Variants in LRPPRC observed in about 807,000 individuals in gnomAD.
The protein encoded by LRPPRC is leucine rich pentatricopeptide repeat containing.
In LRPPRC, 120 loss-of-function variants were observed where a neutral mutation model predicts 180.3. The ratio of observed to expected loss-of-function variants is 0.67; its 90% CI spans 0.57 to 0.77. The LOEUF (loss-of-function observed/expected upper bound fraction) is 0.77, where lower values mean the gene tolerates loss of function less well. LRPPRC is among the 30% of genes least tolerant of loss of function. The pLI, the probability that LRPPRC is intolerant of heterozygous loss-of-function variation, is 0.00. For missense variants in LRPPRC, 2,012 were observed against 1,657.2 expected, an observed-to-expected ratio of 1.21 and a Z score of -3.72; for synonymous variants, 723 against 600.0, an observed-to-expected ratio of 1.21 and a Z score of -3.00.
At chr2:43,945,532 G>A in intron 21 of LRPPRC, 115 bp from the exon 22 acceptor site, 1 of 713,558 alleles carries the variant, frequency 1.4e-6, no homozygotes, top group Admixed American at 2.0e-5. Context: ...ACTAATGTTG[G>A]CCTCTACGCT....
chr2:43,981,833 G>C (rs958058442), intron 2 of LRPPRC, among the ~76,000 whole-genome samples: 2 of 152,016 alleles, frequency 1.3e-5, no homozygotes, highest in African/African-American at 4.8e-5. Context: ...TATTTAGGTT[G>C]ATGCAAAAGT....
chr2:43,971,814 AAAG>A (rs919443691), intron 11 of LRPPRC, among the ~76,000 whole-genome samples: 13 of 152,290 alleles, frequency 8.5e-5, no homozygotes, highest in East Asian at 1.9e-4. Context: ...CTGTTATATA[AAAG>A]AAGACTGTAG....
intron 14 of LRPPRC, among the ~76,000 whole-genome samples, chr2:43,951,224 G>A (rs1284004588): frequency 1.3e-5 from 2 of 152,198 alleles, no homozygotes; most frequent in Admixed American, 1.3e-4. Flanking sequence ...TCCAGCAGGG[G>A]ATAACTTGAA....
chr2:43,929,865 A>C (rs1672021995), intron 25 of LRPPRC, among the ~76,000 whole-genome samples: 1 of 152,188 alleles, frequency 6.6e-6, no homozygotes, highest in African/African-American at 2.4e-5. Flanking sequence ...ACCAGGTGTT[A>C]TAGGAGATAC....
chr2:43,954,354 C>G (rs145849120), intron 14 of LRPPRC, among the ~76,000 whole-genome samples: 7 of 152,264 alleles, frequency 4.6e-5, no homozygotes, highest in Non-Finnish European at 8.8e-5. Context: ...TGCTCTAACC[C>G]TGCTTAATAG....
rs1339084801 is a variant in LRPPRC, at chr2:43,995,903, C to G, written c.45G>C (p.Gly15=). The change falls in exon 1 of 38, where the codon GGG becomes GGC. Residue 15 remains glycine, a synonymous_variant. Coordinates refer to ENST00000260665, the MANE Select transcript of LRPPRC (RefSeq NM_133259.4). ...LRSARWLLRA[G]AAPRLPLSLR... ...GGGAGAGCGGGAGGCGCGGGGCCGCCCCGGCACGCAGCAACCAACGCGCGG... is the reference window on the plus strand; with the variant it reads ...GGGAGAGCGGGAGGCGCGGGGCCGCGCCGGCACGCAGCAACCAACGCGCGG... 5 of 1,514,766 alleles carry G rather than the reference C, an allele frequency of 3.3e-6. No homozygotes were observed. In the African/African-American group the frequency reaches 5.7e-5, roughly 17 times the overall value. The allele number at this position is 1,514,766 out of a possible 1,614,324, so 93.8% of individuals were successfully genotyped here.
At chr2:43,905,441 C>T (rs1467421633) in intron 31 of LRPPRC, among the ~76,000 whole-genome samples, 1 of 152,196 alleles carries the variant, frequency 6.6e-6, no homozygotes, top group Non-Finnish European at 1.5e-5. Context: ...AGCTGTGATT[C>T]ATCTTAAGAA....
chr2:43,940,288 A>G (rs1011173036), intron 23 of LRPPRC, among the ~76,000 whole-genome samples: 1 of 152,210 alleles, frequency 6.6e-6, no homozygotes, highest in Non-Finnish European at 1.5e-5. Context: ...ATAAATAATG[A>G]AAGTATCCAG....
intron 23 of LRPPRC, among the ~76,000 whole-genome samples, chr2:43,936,916 C>G (rs1051583294): frequency 9.2e-5 from 14 of 152,304 alleles, no homozygotes; most frequent in African/African-American, 3.1e-4. Flanking sequence ...TCCCTTACTT[C>G]AGACACAGGT....
chr2:43,955,874 C>T lies in LRPPRC; in HGVS notation c.1649+1511G>A, dbSNP rs528377182. Among the ~76,000 whole-genome samples the T allele has an allele frequency of 5.7e-4, 87 of 152,244 alleles. 1 individual carries two copies. The highest frequency in any genetic ancestry group is 8.7e-4 in the Non-Finnish European group (59 of 67,994). ...TCTCAAATTACCACCCCATAGTCTT[C>T]TTAGTAATTACAAAGTGGACAAGGG... On this transcript the variant is annotated intron_variant, in intron 14 of 37. Transcript: ENST00000260665.
chr2:43,911,215 TAC>T (rs1177998256), intron 30 of LRPPRC, among the ~76,000 whole-genome samples: 1 of 150,918 alleles, frequency 6.6e-6, no homozygotes, highest in Non-Finnish European at 1.5e-5. Context: ...ACACACAGAG[TAC>T]ATTAAAAACC....
intron 1 of LRPPRC, among the ~76,000 whole-genome samples, chr2:43,994,032 TTC>T (rs532365149): frequency 1.9e-3 from 295 of 152,006 alleles, no homozygotes; most frequent in Non-Finnish European, 3.3e-3. Flanking sequence ...CTAAACTATG[TTC>T]TCTCTTTATT....
chr2:43,947,497 A>G, intron 19 of LRPPRC, 127 bp from the exon 20 acceptor site: 1 of 669,370 alleles, frequency 1.5e-6, no homozygotes. Context: ...TATCAGGGAT[A>G]TTAATTGGGG....
At chr2:43,891,355 AT>A (rs1197105314) in intron 36 of LRPPRC, among the ~76,000 whole-genome samples, 1 of 152,134 alleles carries the variant, frequency 6.6e-6, no homozygotes, top group Non-Finnish European at 1.5e-5. Context: ...CACTTTACAG[AT>A]GTTGCGTTAT....
rs754297803 is a variant in LRPPRC at position 43,925,990 on chromosome 2, C to T, written c.2737-29G>A. Reference sequence around the variant, plus strand: ...TAAAATAAAATAATCACATAGCACCCAAGGTAAGGCTTCGGCTGAATATTA... The same window carrying T: ...TAAAATAAAATAATCACATAGCACCTAAGGTAAGGCTTCGGCTGAATATTA... On this transcript the variant is annotated intron_variant, in intron 25 of 37. Transcript: ENST00000260665. 5.4e-6 allele frequency: 7 copies of T among 1,293,712 alleles called. No homozygotes were observed. The South Asian group carries it at 7.1e-5, about 13-fold the overall frequency. 80.1% of individuals were successfully genotyped at this position (1,293,712 alleles called of 1,614,324 possible).
At chr2:43,938,503 T>C (rs1672354082) in intron 23 of LRPPRC, among the ~76,000 whole-genome samples, 1 of 152,230 alleles carries the variant, frequency 6.6e-6, no homozygotes. Flanking sequence ...TCAAAATTCA[T>C]TCTAGAATCT....
At chr2:43,963,005 T>G (rs551751285) in intron 12 of LRPPRC, among the ~76,000 whole-genome samples, 1 of 152,178 alleles carries the variant, frequency 6.6e-6, no homozygotes, top group Non-Finnish European at 1.5e-5. Flanking sequence ...AGGATGGGAT[T>G]AGGAGTTAAT....
chr2:43,995,009 G>A (rs1674961695), intron 1 of LRPPRC, among the ~76,000 whole-genome samples: 1 of 152,222 alleles, frequency 6.6e-6, no homozygotes, highest in Non-Finnish European at 1.5e-5. Flanking sequence ...GGGAGGCCGA[G>A]GCAGGAGGAT....
In LRPPRC at chr2:43,946,128, T is replaced by G. The variant is rs921595610; in HGVS notation, c.2195A>C (p.Asn732Thr). 1 of 1,612,568 alleles carries G rather than the reference T, an allele frequency of 6.2e-7. No homozygotes were observed. Among genetic ancestry groups the G allele is most frequent in the Non-Finnish European group, 8.5e-7 (1 of 1,178,938 alleles). The change falls in exon 21 of 38, where the codon AAC becomes ACC. Residue 732 changes from asparagine (N) to threonine (T), a missense_variant. By Grantham distance (65) the Asn-to-Thr change is moderately conservative (BLOSUM62 0). Transcript: ENST00000260665. The stretch of plus-strand genomic sequence containing the variant: ...GGGTACTCACAATTCTTCTTTCAAG[T>G]TCAAGGCATCTTCTACTTTATCATG... ...CRHDKVEDAL[N>T]LKEEFDRLDS...
Sources: allele counts gnomAD v4.1 joint callset (sites outside exome capture counted in the v4.1 genomes callset), GRCh38; gene constraint gnomAD v4.1.1; transcripts MANE v1.5; gene names NCBI Gene and HGNC (gene_info 2026-07-23, HGNC 2026-07-21).